Variants in GPHN observed in about 807,000 individuals in gnomAD.
The protein encoded by GPHN is gephyrin.
A neutral mutation model predicts 95.5 loss-of-function variants in GPHN; 17 were observed. The ratio of observed to expected loss-of-function variants is 0.18; its 90% CI spans 0.12 to 0.27. GPHN has a LOEUF of 0.27. Among genes scored for constraint, GPHN ranks in the 10% least tolerant of loss-of-function variants. The pLI, the probability that GPHN is intolerant of heterozygous loss-of-function variation, is 1.00. For missense variants in GPHN, 660 were observed against 978.1 expected, an observed-to-expected ratio of 0.67 and a Z score of 4.34; for synonymous variants, 320 against 322.5, an observed-to-expected ratio of 0.99 and a Z score of 0.08.
chr14:66,928,315 A>C (rs572553266), intron 8 of GPHN, among the ~76,000 whole-genome samples: 4 of 152,166 alleles, frequency 2.6e-5, no homozygotes, highest in Non-Finnish European at 5.9e-5. Context: ...TTATTGGCAT[A>C]TAGTTGCTCA....
intron 9 of GPHN, among the ~76,000 whole-genome samples, chr14:66,981,970 TC>T (rs1192971459): frequency 6.6e-6 from 1 of 152,138 alleles, no homozygotes; most frequent in Non-Finnish European, 1.5e-5. Context: ...TACAACATTT[TC>T]TAAAACATTT....
At chr14:66,644,298 A>C (rs2064608486) in intron 1 of GPHN, among the ~76,000 whole-genome samples, 1 of 152,044 alleles carries the variant, frequency 6.6e-6, no homozygotes, top group Non-Finnish European at 1.5e-5. Context: ...AGTATGTCTA[A>C]ATTATAACAT....
chr14:67,316,364 A>C, the GPHN span, among the ~76,000 whole-genome samples: 3 of 152,202 alleles, frequency 2.0e-5, no homozygotes, highest in Non-Finnish European at 4.4e-5. Context: ...GGAATTGAGA[A>C]TAATGCATGC....
chr14:67,329,730 A>G, the GPHN span, among the ~76,000 whole-genome samples: 1 of 152,036 alleles, frequency 6.6e-6, no homozygotes, highest in African/African-American at 2.4e-5. Flanking sequence ...AATACAAAAA[A>G]CATTAGCCAG....
intron 13 of GPHN, among the ~76,000 whole-genome samples, chr14:67,107,012 G>A (rs557710821): frequency 6.6e-6 from 1 of 152,188 alleles, no homozygotes; most frequent in South Asian, 2.1e-4. Context: ...GTTGCAAAGG[G>A]TATGGTGACT....
chr14:67,559,889 G>A, the GPHN span, among the ~76,000 whole-genome samples: 1 of 152,130 alleles, frequency 6.6e-6, no homozygotes, highest in Non-Finnish European at 1.5e-5. Context: ...GGTCTCCCTG[G>A]AGCTCCTGAC....
chr14:67,651,324 C>T, the GPHN span: 2 of 1,610,736 alleles, frequency 1.2e-6, no homozygotes, highest in Admixed American at 3.3e-5. Context: ...CTATCCACAT[C>T]CCTAACATCA....
intron 1 of GPHN, among the ~76,000 whole-genome samples, chr14:66,545,680 C>T (rs12890522): frequency 2.9e-4 from 35 of 121,634 alleles, no homozygotes; most frequent in South Asian, 5.6e-4. Context: ...CCAGTAGGGG[C>T]GGCCGGGCAG....
chr14:67,205,232 T>A, the GPHN span: 1 of 815,378 alleles, frequency 1.2e-6, no homozygotes, highest in Non-Finnish European at 1.8e-6. Flanking sequence ...AATAGTGAGA[T>A]TAAATCTCTG....
chr14:67,241,671 G>A, the GPHN span: 23,438 of 152,370 alleles, frequency 0.15, 3,405 homozygotes, highest in East Asian at 0.42. Context: ...GGAGACCCCT[G>A]GCAGCCAGGC....
the GPHN span, among the ~76,000 whole-genome samples, chr14:67,257,112 T>TA: frequency 6.6e-6 from 1 of 152,180 alleles, no homozygotes. Context: ...TTTCAGTTGA[T>TA]AAGAGTTAGC....
chr14:67,708,257 A>T, the GPHN span, among the ~76,000 whole-genome samples: 1 of 152,224 alleles, frequency 6.6e-6, no homozygotes, highest in African/African-American at 2.4e-5. Flanking sequence ...TTAAGCAAAA[A>T]GTTAAAAATA....
the GPHN span, among the ~76,000 whole-genome samples, chr14:67,217,273 C>T: frequency 6.6e-6 from 1 of 151,460 alleles, no homozygotes; most frequent in Non-Finnish European, 1.5e-5. Context: ...TGTTTCATTT[C>T]TTCACTTTCA....
intron 3 of GPHN, among the ~76,000 whole-genome samples, chr14:66,799,788 G>A (rs1004073260): frequency 6.6e-6 from 1 of 151,828 alleles, no homozygotes; most frequent in African/African-American, 2.4e-5. Flanking sequence ...TTTAATGGAA[G>A]CATTTAGTGT....
At chr14:66,596,931 GA>G (rs1407594408) in intron 1 of GPHN, among the ~76,000 whole-genome samples, 1 of 152,228 alleles carries the variant, frequency 6.6e-6, no homozygotes, top group Non-Finnish European at 1.5e-5. Context: ...TGATGCCAGG[GA>G]TTGATTGACA....
At chr14:67,412,398 C>A in the GPHN span, among the ~76,000 whole-genome samples, 1 of 152,172 alleles carries the variant, frequency 6.6e-6, no homozygotes, top group African/African-American at 2.4e-5. Context: ...AGGTGCTTCC[C>A]GGGCACTTAG....
At chr14:67,593,490 CAAAAAAAAAAAAA>C in the GPHN span, 1 of 306,198 alleles carries the variant, frequency 3.3e-6, no homozygotes, top group African/African-American at 2.4e-5. Context: ...GACCCTGTCT[CAAAAAAAAAAAAA>C]GAAAAAAGAT....
intron 4 of GPHN, among the ~76,000 whole-genome samples, chr14:66,868,127 T>C (rs2063296504): frequency 6.6e-6 from 1 of 152,306 alleles, no homozygotes; most frequent in African/African-American, 2.4e-5. Context: ...TTAATAGTAG[T>C]CATTAGCTGG....
intron 2 of GPHN, among the ~76,000 whole-genome samples, chr14:66,776,028 G>A (rs2059370211): frequency 6.6e-6 from 1 of 152,164 alleles, no homozygotes; most frequent in South Asian, 2.1e-4. Context: ...CATGGGGAAG[G>A]AAGGGCAGAA....
Sources: allele counts gnomAD v4.1 joint callset (sites outside exome capture counted in the v4.1 genomes callset), GRCh38; gene constraint gnomAD v4.1.1; transcripts MANE v1.5; gene names NCBI Gene and HGNC (gene_info 2026-07-23, HGNC 2026-07-21).